The following MSR1 variants were observed in gnomAD, a reference collection of about 807,000 sequenced individuals.
MSR1 encodes macrophage scavenger receptor 1, also known as macrophage scavenger receptor types I and II.
In MSR1, 53 loss-of-function variants were observed where a neutral mutation model predicts 47.2. The observed-to-expected ratio is 1.12, with a 90% confidence interval of 0.90 to 1.41. The LOEUF (loss-of-function observed/expected upper bound fraction) is 1.41. MSR1 is among the 40% of genes most tolerant of loss of function. MSR1 has a pLI of 0.00. For synonymous variants in MSR1, 239 were observed against 185.6 expected, an observed-to-expected ratio of 1.29 and a Z score of -2.34; for missense variants, 786 against 546.9, an observed-to-expected ratio of 1.44 and a Z score of -4.36.
intron 8 of MSR1, among the ~76,000 whole-genome samples, chr8:16,128,042 A>T (rs1159262690): frequency 1.2e-4 from 18 of 152,206 alleles, no homozygotes; most frequent in Non-Finnish European, 2.5e-4. Context: ...TATTGGCAGT[A>T]AACAAAAGTG....
intron 3 of MSR1, among the ~76,000 whole-genome samples, chr8:16,170,576 T>G (rs949759725): frequency 1.3e-5 from 2 of 152,224 alleles, no homozygotes; most frequent in Non-Finnish European, 2.9e-5. Flanking sequence ...AATTTCATAT[T>G]GCTCAAAAAT....
At chr8:16,145,706 T>A (rs374187403) in intron 7 of MSR1, among the ~76,000 whole-genome samples, 60 of 152,190 alleles carry the variant, frequency 3.9e-4, no homozygotes, top group African/African-American at 1.4e-3. Flanking sequence ...ATGCCTTATC[T>A]CCTTATAAAA....
intron 8 of MSR1, among the ~76,000 whole-genome samples, chr8:16,141,392 T>C (rs1226152804): frequency 6.6e-6 from 1 of 152,184 alleles, no homozygotes; most frequent in Non-Finnish European, 1.5e-5. Context: ...TCATTTAGTG[T>C]TCAGGACTAG....
chr8:16,119,557 A>G (rs1019038957), intron 9 of MSR1, among the ~76,000 whole-genome samples: 3 of 151,982 alleles, frequency 2.0e-5, no homozygotes, highest in African/African-American at 7.2e-5. Context: ...GTAAAATAGT[A>G]AAGGATGTGA....
intron 5 of MSR1, among the ~76,000 whole-genome samples, chr8:16,161,437 G>T (rs1162833771): frequency 6.6e-6 from 1 of 151,894 alleles, no homozygotes; most frequent in East Asian, 1.9e-4. Flanking sequence ...AACTGTTAGA[G>T]AAAAATCTGA....
At chr8:16,188,683 C>T (rs535570046) in intron 1 of MSR1, among the ~76,000 whole-genome samples, 39 of 151,752 alleles carry the variant, frequency 2.6e-4, no homozygotes, top group Non-Finnish European at 5.2e-4. Flanking sequence ...ACTGACAGGC[C>T]CCGGTGTGTG....
intron 9 of MSR1, 85 bp downstream of exon 9, chr8:16,120,333 C>T (rs1799969690): frequency 5.0e-6 from 7 of 1,410,112 alleles, no homozygotes; most frequent in South Asian, 3.5e-5. Context: ...GCCGAGATCG[C>T]GCCACTGCAC....
chr8:16,112,572 A>G (rs1405193725), intron 9 of MSR1, among the ~76,000 whole-genome samples: 4 of 152,132 alleles, frequency 2.6e-5, no homozygotes, highest in Non-Finnish European at 5.9e-5. Context: ...TCTCATTCCA[A>G]ATTGTTTTCT....
intron 4 of MSR1, among the ~76,000 whole-genome samples, chr8:16,166,915 G>C (rs995078500): frequency 2.1e-5 from 3 of 143,834 alleles, no homozygotes; most frequent in African/African-American, 7.7e-5. Flanking sequence ...TCCCAATGTT[G>C]TTTTTCAGTG....
At chr8:16,192,272 T>C (rs997649150) in intron 1 of MSR1, among the ~76,000 whole-genome samples, 1 of 152,274 alleles carries the variant, frequency 6.6e-6, no homozygotes, top group South Asian at 2.1e-4. Flanking sequence ...ATAAAACCAG[T>C]ATTTTAAACA....
In MSR1 at chr8:16,168,737, G is replaced by A. The variant is rs1270737767; in HGVS notation, c.351C>T (p.His117=). ...EMRFQEVFME[H]MSNMEKRIQH... ...GGATTCTCTTCTCCATGTTGCTCAT[G>A]TGTTCCATAAAGACTTCTTGAAATC... The change falls in exon 4 of 10, where the codon CAC becomes CAT. Residue 117 remains histidine, a synonymous_variant. Coordinates refer to ENST00000262101, the MANE Select transcript of MSR1 (RefSeq NM_138715.3). 1 of 1,614,172 alleles carries A rather than the reference G, an allele frequency of 6.2e-7. No homozygotes were observed. The highest frequency in any genetic ancestry group is 8.5e-7 in the Non-Finnish European group (1 of 1,180,022).
At chr8:16,139,681 G>A in intron 8 of MSR1, 1 of 963,046 alleles carries the variant, frequency 1.0e-6, no homozygotes, top group Non-Finnish European at 1.2e-6. Flanking sequence ...GGTAATACAT[G>A]AAAAGTTTTA....
intron 8 of MSR1, among the ~76,000 whole-genome samples, chr8:16,124,184 G>A (rs1302029659): frequency 1.3e-5 from 2 of 152,236 alleles, no homozygotes; most frequent in Admixed American, 1.3e-4. Flanking sequence ...CAAACAGGCC[G>A]AGTCACTTGC....
chr8:16,173,161 A>T (rs1801537726), intron 3 of MSR1, among the ~76,000 whole-genome samples: 1 of 152,230 alleles, frequency 6.6e-6, no homozygotes, highest in African/African-American at 2.4e-5. Context: ...TAGTTTCAGT[A>T]AACAAACTAC....
At chr8:16,137,763 C>T (rs1297553036) in intron 8 of MSR1, among the ~76,000 whole-genome samples, 2 of 152,152 alleles carry the variant, frequency 1.3e-5, no homozygotes, top group East Asian at 3.9e-4. Context: ...GAGGTTGAGG[C>T]AGGAGGATCG....
At chr8:16,152,145 G>A (rs1247538547) in intron 6 of MSR1, among the ~76,000 whole-genome samples, 2 of 152,018 alleles carry the variant, frequency 1.3e-5, no homozygotes, top group Non-Finnish European at 2.9e-5. Flanking sequence ...TGTTGTAAAG[G>A]CTTCTAAATT....
At chr8:16,122,621 C>G (rs1051225074) in intron 8 of MSR1, among the ~76,000 whole-genome samples, 1 of 152,076 alleles carries the variant, frequency 6.6e-6, no homozygotes, top group African/African-American at 2.4e-5. Flanking sequence ...AAGCTCCCAA[C>G]AGCTAATTCT....
chr8:16,192,006 T>C (rs1456367801), intron 1 of MSR1, among the ~76,000 whole-genome samples: 1 of 152,188 alleles, frequency 6.6e-6, no homozygotes, highest in Non-Finnish European at 1.5e-5. Context: ...TCATACTACT[T>C]AAGGTGCTCA....
Position 16,120,589 on chromosome 8 carries a change from G to A in MSR1, c.1051C>T (p.Arg351Ter), listed in dbSNP as rs868534189. The change falls in exon 9 of 10, where the codon CGA (arginine) becomes TGA (stop). Residue 351 changes from arginine to a stop codon, truncating the protein, a stop_gained. Coordinates refer to ENST00000262101, the MANE Select transcript of MSR1 (RefSeq NM_138715.3). LOFTEE classifies it high-confidence loss of function. ...GNTLTPFTKVRLVGGSGPHEG... is the reference protein window; with the variant it reads ...GNTLTPFTKV Reference sequence around the variant, plus strand: ...TGAGGGCCGCTCCCACCGACCAGTCGAACTTTCGTAAATGGAGCTGTAAAG... The same window carrying A: ...TGAGGGCCGCTCCCACCGACCAGTCAAACTTTCGTAAATGGAGCTGTAAAG... The A allele has an allele frequency of 5.1e-6, 8 of 1,579,482 alleles. No homozygotes were observed. The highest frequency in any genetic ancestry group is 6.0e-6 in the Non-Finnish European group (7 of 1,173,804).
Sources: allele counts gnomAD v4.1 joint callset (sites outside exome capture counted in the v4.1 genomes callset), GRCh38; gene constraint gnomAD v4.1.1; transcripts MANE v1.5; gene names NCBI Gene and HGNC (gene_info 2026-07-23, HGNC 2026-07-21).